PRKN: variants seen among roughly 807,000 people sequenced by gnomAD.
PRKN encodes E3 ubiquitin-protein ligase parkin.
Under a neutral mutation model 59.5 loss-of-function variants are expected in PRKN, and 56 were observed. The ratio of observed to expected loss-of-function variants is 0.94; its 90% confidence interval spans 0.76 to 1.18. The LOEUF is 1.18. Among genes scored for constraint, PRKN ranks in the 50% most tolerant of loss-of-function variants. The pLI is 0.00. For missense variants in PRKN, 657 were observed against 596.4 expected (o/e 1.10, Z -1.06); for synonymous variants, 250 against 222.1 (o/e 1.13, Z -1.12).
chr6:162,075,528 C>T (rs111854151), intron 4 of PRKN, among the ~76,000 whole-genome samples: 29 of 151,938 alleles, frequency 1.9e-4, no homozygotes, highest in African/African-American at 5.8e-4. Context: ...TATAAAAAGT[C>T]CACATTGTAT....
chr6:162,027,417 C>T (rs946570385), intron 5 of PRKN, among the ~76,000 whole-genome samples: 3 of 152,182 alleles, frequency 2.0e-5, no homozygotes, highest in African/African-American at 4.8e-5. Context: ...CAGAGAATTG[C>T]TCTGATTTCC....
At chr6:161,763,889 C>A (rs756160766) in intron 7 of PRKN, among the ~76,000 whole-genome samples, 26 of 152,122 alleles carry the variant, frequency 1.7e-4, no homozygotes, top group Non-Finnish European at 3.1e-4. Context: ...ACGAGTCCCA[C>A]TGAATTTGGT....
chr6:162,569,664 T>G, intron 1 of PRKN: 1 of 676,270 alleles, frequency 1.5e-6, no homozygotes, highest in Non-Finnish European at 2.7e-6. Flanking sequence ...GCCATGGTTG[T>G]GAAGAAGATC....
chr6:161,439,198 G>T (rs1004502767), intron 9 of PRKN, among the ~76,000 whole-genome samples: 1 of 152,168 alleles, frequency 6.6e-6, no homozygotes, highest in East Asian at 1.9e-4. Context: ...TGACGCCAAC[G>T]GGCTTCTCAG....
intron 1 of PRKN, among the ~76,000 whole-genome samples, chr6:162,599,438 A>G (rs1004447486): frequency 1.3e-5 from 2 of 152,170 alleles, no homozygotes; most frequent in African/African-American, 4.8e-5. Flanking sequence ...GTCTTTCCAG[A>G]TAACAGAATG....
chr6:162,132,803 G>A (rs1781418932), intron 4 of PRKN, among the ~76,000 whole-genome samples: 1 of 152,082 alleles, frequency 6.6e-6, no homozygotes. Context: ...AGAGCGGTGG[G>A]ATGGCGGGTT....
intron 3 of PRKN, among the ~76,000 whole-genome samples, chr6:162,234,100 T>C (rs1037025786): frequency 2.0e-5 from 3 of 152,188 alleles, no homozygotes; most frequent in African/African-American, 7.2e-5. Flanking sequence ...AATCATAGTA[T>C]TGAACCTAAC....
Position 161,459,530 on chromosome 6 carries a change from G to C in PRKN, c.1084-72653C>G, listed in dbSNP as rs1236496791. On this transcript the variant is annotated intron_variant, in intron 9 of 11. Coordinates refer to ENST00000366898, the MANE Select transcript of PRKN (RefSeq NM_004562.3). This position sits in a 1 kb window ranked among gnomAD's most constrained non-coding sequence, Gnocchi z 4.8. ...GAAGGATGGAATTCCCTGAATCCCT[G>C]GATCTGTTCACAGGAATGCCTAGAG... is the stretch of plus-strand genomic sequence containing the variant. Among the ~76,000 whole-genome samples, 1 of 152,158 alleles carries C rather than the reference G, an allele frequency of 6.6e-6. No individual in the cohort carries two copies. The highest frequency in any genetic ancestry group is 2.4e-5 in the African/African-American group (1 of 41,424).
intron 2 of PRKN, among the ~76,000 whole-genome samples, chr6:162,338,048 T>C (rs2128126870): frequency 6.6e-6 from 1 of 152,234 alleles, no homozygotes; most frequent in East Asian, 1.9e-4. Context: ...GGAACATGCA[T>C]AGAATGTAGA....
At chr6:161,777,856 G>GTA (rs1254530871) in intron 7 of PRKN, among the ~76,000 whole-genome samples, 1 of 143,030 alleles carries the variant, frequency 7.0e-6, no homozygotes, top group African/African-American at 2.6e-5. Flanking sequence ...GTATATATGT[G>GTA]TATATATGTA....
chr6:161,522,558 A>C (rs115874085), intron 9 of PRKN, among the ~76,000 whole-genome samples: 302 of 152,362 alleles, frequency 2.0e-3, no homozygotes, highest in Middle Eastern at 6.8e-3. Flanking sequence ...TATGAGCAAC[A>C]CTGTCATCTC....
rs1430910023 is a variant in PRKN, at chr6:161,560,238, C to G, written c.933+9117G>C. Among the ~76,000 whole-genome samples, 1 of 152,192 alleles carries G rather than the reference C, an allele frequency of 6.6e-6. No homozygotes were observed. Among genetic ancestry groups the G allele is most frequent in the African/African-American group, 2.4e-5 (1 of 41,436 alleles). On this transcript the variant is annotated intron_variant, in intron 8 of 11. Transcript: ENST00000366898. This position sits in a 1 kb window ranked among gnomAD's most constrained non-coding sequence, Gnocchi z 4.9. ...ATAATCAGCCTTTTGAAAGGTTTCC[C>G]TGTCCACACTGACTTAACTGAAACT...
intron 5 of PRKN, among the ~76,000 whole-genome samples, chr6:162,032,975 C>T (rs1011410440): frequency 5.9e-5 from 9 of 152,182 alleles, no homozygotes; most frequent in Admixed American, 1.3e-4. Flanking sequence ...AGAAGCTTGA[C>T]CCAATTTCTC....
At chr6:162,522,313 G>A (rs1477275008) in intron 1 of PRKN, among the ~76,000 whole-genome samples, 1 of 152,072 alleles carries the variant, frequency 6.6e-6, no homozygotes, top group Non-Finnish European at 1.5e-5. Context: ...TTGTAGAGAT[G>A]GGGTTTTGCC....
At chr6:162,274,295 C>A (rs1415773574) in intron 2 of PRKN, among the ~76,000 whole-genome samples, 1 of 151,906 alleles carries the variant, frequency 6.6e-6, no homozygotes, top group African/African-American at 2.4e-5. Flanking sequence ...TCAGGGGATT[C>A]CTAACCTCAG....
chr6:162,071,240 C>T lies in PRKN; in HGVS notation c.535-17066G>A, dbSNP rs548884465. Among the ~76,000 whole-genome samples, 7 of 150,032 alleles carry T rather than the reference C, an allele frequency of 4.7e-5. 1 individual carries two copies. The South Asian group carries it at 1.5e-3, about 32-fold the overall frequency. ...CTCATCTGTGAAATGGGGGCAGAGACAGCACCAAACACCTTCCTAGTAGAT... is the reference window on the plus strand; with the variant it reads ...CTCATCTGTGAAATGGGGGCAGAGATAGCACCAAACACCTTCCTAGTAGAT... On this transcript the variant is annotated intron_variant, in intron 4 of 11. Transcript: ENST00000366898.
chr6:162,098,910 T>C (rs541108109), intron 4 of PRKN, among the ~76,000 whole-genome samples: 80 of 152,252 alleles, frequency 5.3e-4, no homozygotes, highest in Non-Finnish European at 9.0e-4. Flanking sequence ...TGGAATGAGA[T>C]GTGGACTTGT....
intron 6 of PRKN, among the ~76,000 whole-genome samples, chr6:161,915,741 A>G (rs73024528): frequency 0.085 from 13,015 of 152,292 alleles, 863 homozygotes; most frequent in East Asian, 0.34. Flanking sequence ...TTAACTTAGC[A>G]TTCTCATTTG....
intron 6 of PRKN, among the ~76,000 whole-genome samples, chr6:161,874,920 AAATATAAAATAT>A (rs1358780837): frequency 5.3e-5 from 5 of 94,394 alleles, no homozygotes; most frequent in African/African-American, 2.5e-4. Context: ...ATAAAATATA[AAATATAAAATAT>A]AATATAATAT....
Sources: gnomAD v4.1 joint callset for allele counts (sites outside exome capture counted in the v4.1 genomes callset) on GRCh38, gnomAD v4.1.1 for gene constraint, Gnocchi (gnomAD v3.1) non-coding constraint, MANE v1.5 for transcripts, NCBI Gene and HGNC (gene_info 2026-07-23, HGNC 2026-07-21) for gene names.